CREBRF: variants seen among roughly 807,000 people sequenced by gnomAD.
CREBRF encodes CREB3 regulatory factor, also known as UPF0474 protein C5orf41.
In CREBRF, 5 loss-of-function variants were observed where a neutral mutation model predicts 66.1. That is an observed-to-expected ratio of 0.08 (90% CI 0.04 to 0.16). The LOEUF is 0.16. Ranked by LOEUF, CREBRF falls within the 10% of genes least tolerant of loss-of-function variation. The probability of loss-of-function intolerance (pLI) is 1.00; values close to 1 mark genes in which losing one functional copy is unlikely to be tolerated. For synonymous variants in CREBRF, 229 were observed against 264.4 expected (o/e 0.87, Z 1.30); for missense variants, 531 against 744.9 (o/e 0.71, Z 3.34).
chr5:173,114,086 A>C (rs1758930700), intron 7 of CREBRF, among the ~76,000 whole-genome samples: 1 of 152,190 alleles, frequency 6.6e-6, no homozygotes, highest in South Asian at 2.1e-4. Flanking sequence ...GATTTTCTTA[A>C]TCTTTTATCT....
chr5:173,078,817 G>A (rs1355928534), intron 1 of CREBRF, among the ~76,000 whole-genome samples: 1 of 152,072 alleles, frequency 6.6e-6, no homozygotes, highest in African/African-American at 2.4e-5. Flanking sequence ...GAGCCACTGC[G>A]CCCAGCCGAC....
chr5:173,104,626 G>A (rs1189686121), intron 4 of CREBRF, among the ~76,000 whole-genome samples: 1 of 152,080 alleles, frequency 6.6e-6, no homozygotes, highest in Admixed American at 6.6e-5. Context: ...GCTGCAGTGA[G>A]TTGTGATCAT....
In CREBRF at chr5:173,065,656, TTTC is replaced by T. The variant is rs1450813439; in HGVS notation, c.-192+9189_-192+9191del. On this transcript the variant is annotated intron_variant, in intron 1 of 8. Transcript: ENST00000296953. The stretch of plus-strand genomic sequence containing the variant: ...ATATTTCTTTCCTTTTCTTTTCCTT[TTTC>T]TTCTTCTTCTTTTTTTTTTTTTTTA... Among the ~76,000 whole-genome samples the T allele has an allele frequency of 1.5e-4, 20 of 135,136 alleles. No individual in the cohort carries two copies. In the South Asian group the frequency reaches 2.4e-3, roughly 16 times the overall value. 88.7% of individuals were successfully genotyped at this position (135,136 alleles called of 152,430 possible).
chr5:173,115,862 G>A (rs553904638), intron 7 of CREBRF, among the ~76,000 whole-genome samples: 8 of 152,002 alleles, frequency 5.3e-5, no homozygotes, highest in African/African-American at 1.9e-4. Context: ...CGCCCGCCTC[G>A]GCCTCCCAAA....
chr5:173,061,620 A>C (rs1201093805), intron 1 of CREBRF, among the ~76,000 whole-genome samples: 1 of 152,230 alleles, frequency 6.6e-6, no homozygotes, highest in Non-Finnish European at 1.5e-5. Context: ...AAGAGATGAT[A>C]GTCACGTGAA....
intron 7 of CREBRF, among the ~76,000 whole-genome samples, chr5:173,118,964 G>T (rs866821156): frequency 2.0e-5 from 3 of 151,790 alleles, no homozygotes; most frequent in Non-Finnish European, 4.4e-5. Context: ...GGGCTCAAGC[G>T]ATCATCCCAT....
At chr5:173,129,403 AC>A (rs367724696) in intron 8 of CREBRF, among the ~76,000 whole-genome samples, 2 of 152,280 alleles carry the variant, frequency 1.3e-5, no homozygotes, top group African/African-American at 4.8e-5. Context: ...GGCATGAGCC[AC>A]CGCGCCCGGC....
In CREBRF at chr5:173,133,781, G is replaced by T; in HGVS notation, c.*36G>T. ...TGGACCACTGGTCAGAAATGTCTGC[G>T]TTTTGTCACGTTATCCATTGTAAAT... is the stretch of plus-strand genomic sequence containing the variant. On this transcript the variant is annotated 3_prime_UTR_variant, in exon 9 of 9. Coordinates refer to ENST00000296953, the MANE Select transcript of CREBRF (RefSeq NM_153607.3). 1 of 1,082,352 alleles carries T rather than the reference G, an allele frequency of 9.2e-7. No homozygotes were observed. The highest frequency in any genetic ancestry group is 1.4e-5 in the South Asian group (1 of 74,062). The allele number at this position is 1,082,352 out of a possible 1,614,324, so 67.0% of individuals were successfully genotyped here.
chr5:173,067,862 T>A (rs1263878121), intron 1 of CREBRF, among the ~76,000 whole-genome samples: 2 of 151,948 alleles, frequency 1.3e-5, no homozygotes, highest in Non-Finnish European at 2.9e-5. Flanking sequence ...AAGCCGGGTG[T>A]GGTGGCGGGC....
rs1455891501 is a variant in CREBRF, at chr5:173,094,843, T to TA, written c.1222+3448dup. 3.9e-5 allele frequency among the ~76,000 whole-genome samples: 6 copies of TA among 152,190 alleles called. No individual in the cohort carries two copies. In the South Asian group the frequency reaches 1.2e-3, roughly 31 times the overall value. Reference sequence around the variant, plus strand: ...GCTAGTGCTTTTAGAATTATACATTTAAAAAATCATTGCCCAGACCAATGT... The same window carrying TA: ...GCTAGTGCTTTTAGAATTATACATTTAAAAAAATCATTGCCCAGACCAATGT... On this transcript the variant is annotated intron_variant, in intron 4 of 8. Transcript: ENST00000296953.
intron 7 of CREBRF, among the ~76,000 whole-genome samples, chr5:173,117,484 CTTTTCCT>C (rs1759017791): frequency 6.7e-6 from 1 of 150,142 alleles, no homozygotes; most frequent in African/African-American, 2.5e-5. Context: ...TTTTCCTTTC[CTTTTCCT>C]TTTTCCTTTC....
intron 8 of CREBRF, 29 bp downstream of exon 8, chr5:173,123,231 CAATT>C (rs1336884844): frequency 5.7e-6 from 9 of 1,578,478 alleles, no homozygotes; most frequent in Middle Eastern, 1.7e-4. Context: ...AAATTCATAA[CAATT>C]AATAATATGT....
intron 2 of CREBRF, 63 bp downstream of exon 2, chr5:173,080,847 G>A: frequency 1.3e-6 from 2 of 1,501,044 alleles, no homozygotes; most frequent in East Asian, 4.5e-5. Context: ...CAATACCTTT[G>A]ACTCTTAAAT....
chr5:173,092,449 T>C, intron 4 of CREBRF: 1 of 982,788 alleles, frequency 1.0e-6, no homozygotes, highest in Non-Finnish European at 1.2e-6. Context: ...CGCTGTTGGC[T>C]TGTGCAGTTT....
chr5:173,096,054 C>T (rs1405821120), intron 4 of CREBRF, among the ~76,000 whole-genome samples: 4 of 152,038 alleles, frequency 2.6e-5, no homozygotes. Context: ...ACTGCAAACT[C>T]CGCCTCCCGG....
chr5:173,138,242 A>G lies in CREBRF; in HGVS notation c.*4497A>G, dbSNP rs1254686008. On this transcript the variant is annotated 3_prime_UTR_variant, in exon 9 of 9. Coordinates refer to ENST00000296953, the MANE Select transcript of CREBRF (RefSeq NM_153607.3). ...CGACTCCATGTTTTTTTAATACTTC[A>G]AACACATTGGGATGTAACAATGAAT... is the stretch of plus-strand genomic sequence containing the variant. 1 of 152,152 alleles carries G rather than the reference A, an allele frequency of 6.6e-6. No individual in the cohort carries two copies. The highest frequency in any genetic ancestry group is 1.9e-4 in the East Asian group (1 of 5,184). The allele number at this position is 152,152 out of a possible 1,614,324, so 9.4% of individuals were successfully genotyped here.
intron 7 of CREBRF, among the ~76,000 whole-genome samples, chr5:173,115,175 C>T (rs1363540385): frequency 1.3e-5 from 2 of 149,830 alleles, no homozygotes; most frequent in South Asian, 2.1e-4. Flanking sequence ...GGCGCGATCT[C>T]GGCTCACCGC....
intron 4 of CREBRF, among the ~76,000 whole-genome samples, chr5:173,096,778 A>G (rs1758489281): frequency 6.6e-6 from 1 of 151,916 alleles, no homozygotes; most frequent in South Asian, 2.1e-4. Flanking sequence ...TCATGAAAGC[A>G]TGTTGATTTT....
At chr5:173,065,670 T>TC (rs11450749) in intron 1 of CREBRF, among the ~76,000 whole-genome samples, 61,399 of 133,494 alleles carry the variant, frequency 0.46, 15,039 homozygotes, top group Non-Finnish European at 0.56. Flanking sequence ...TTCTTCTTCT[T>TC]TTTTTTTTTT....
Sources: gnomAD v4.1 joint callset for allele counts (sites outside exome capture counted in the v4.1 genomes callset) on GRCh38, gnomAD v4.1.1 for gene constraint, MANE v1.5 for transcripts, NCBI Gene and HGNC (gene_info 2026-07-23, HGNC 2026-07-21) for gene names.